PLA2R1: variants seen among roughly 807,000 people sequenced by gnomAD.
The protein encoded by PLA2R1 is secretory phospholipase A2 receptor.
Under a neutral mutation model 195.9 loss-of-function variants are expected in PLA2R1, and 158 were observed. The ratio of observed to expected loss-of-function variants is 0.81; its 90% CI spans 0.71 to 0.92. The LOEUF (loss-of-function observed/expected upper bound fraction) is 0.92, where lower values mean the gene tolerates loss of function less well. Among genes scored for constraint, PLA2R1 ranks in the 40% least tolerant of loss-of-function variants. PLA2R1 has a pLI of 0.00. For synonymous variants in PLA2R1, 586 were observed against 598.2 expected (o/e 0.98, Z 0.30); for missense variants, 1,626 against 1,764.6 (o/e 0.92, Z 1.41).
At chr2:160,013,422 A>T in intron 9 of PLA2R1, 47 bp from the exon 10 acceptor site, 1 of 1,100,664 alleles carries the variant, frequency 9.1e-7, no homozygotes, top group African/African-American at 1.5e-5. Context: ...TCATTTAGTT[A>T]AATACCAAGA....
rs751209324 is a variant in PLA2R1 at position 159,976,691 on chromosome 2, G to T, written c.2431C>A (p.Gln811Lys). 3 of 1,604,738 alleles carry T rather than the reference G, an allele frequency of 1.9e-6. No homozygotes were observed. Among genetic ancestry groups the T allele is most frequent in the Non-Finnish European group, 2.6e-6 (3 of 1,171,594 alleles). ...DVKPKIPFWY[Q>K]YDVPWLFYQD... ...CTGCCAGAGTCATTCTTACCGTACT[G>T]GTACCAGAACGGAATCTTGGGTTTC... Residue 811 changes from glutamine to lysine, a missense_variant, in exon 16 of 30, where the codon CAG (glutamine) becomes AAG (lysine). Physicochemically the swap from Gln to Lys is moderately conservative, Grantham distance 53 (BLOSUM62 1). Coordinates refer to ENST00000283243, the MANE Select transcript of PLA2R1 (RefSeq NM_007366.5).
chr2:160,006,674 AACAT>A (rs1692007618), intron 10 of PLA2R1, among the ~76,000 whole-genome samples: 2 of 152,234 alleles, frequency 1.3e-5, no homozygotes, highest in South Asian at 4.1e-4. Context: ...CTATTTTTAG[AACAT>A]ACAAAGTTAG....
At chr2:159,974,703 A>G (rs1473087560) in intron 17 of PLA2R1, among the ~76,000 whole-genome samples, 1 of 152,062 alleles carries the variant, frequency 6.6e-6, no homozygotes, top group Non-Finnish European at 1.5e-5. Flanking sequence ...GTACAAATTT[A>G]TGATGGGGAA....
At chr2:159,969,781 G>A (rs763041864) in intron 18 of PLA2R1, among the ~76,000 whole-genome samples, 3 of 152,104 alleles carry the variant, frequency 2.0e-5, no homozygotes, top group African/African-American at 7.2e-5. Context: ...GACCTCAGGC[G>A]ATCCGCCCTC....
At position 159,945,723 on chromosome 2, in the gene PLA2R1, A is replaced by T. The variant is rs1178009617; in HGVS notation, c.3968-641T>A. Reference sequence around the variant, plus strand: ...CTTTGGGTATATACCCAGTAATGGGATGGCAGCCCCTGAATTTAATGAGAC... The same window carrying T: ...CTTTGGGTATATACCCAGTAATGGGTTGGCAGCCCCTGAATTTAATGAGAC... On this transcript the variant is annotated intron_variant, in intron 27 of 29. Coordinates refer to ENST00000283243, the MANE Select transcript of PLA2R1 (RefSeq NM_007366.5). The T allele has an allele frequency of 3.3e-6, 3 of 904,874 alleles. No individual in the cohort carries two copies. The African/African-American group carries it at 5.4e-5, about 16-fold the overall frequency. 56.1% of individuals were successfully genotyped at this position (904,874 alleles called of 1,614,324 possible). A position where few individuals can be genotyped will look rare whatever the true frequency, so the allele number is the denominator to read the frequency against.
chr2:159,955,902 G>T, intron 21 of PLA2R1, 74 bp from the exon 22 acceptor site: 1 of 824,888 alleles, frequency 1.2e-6, no homozygotes, highest in Non-Finnish European at 1.9e-6. Flanking sequence ...CCTATTTATA[G>T]CTATGATTAT....
intron 5 of PLA2R1, among the ~76,000 whole-genome samples, chr2:160,028,569 T>C (rs6726340): frequency 0.011 from 1,647 of 152,312 alleles, 31 homozygotes; most frequent in African/African-American, 0.038. Flanking sequence ...ACTTTTATTA[T>C]CTTAAAGTAG....
chr2:159,949,595 GA>G lies in PLA2R1; in HGVS notation c.3709+12del. 2 of 1,602,398 alleles carry G rather than the reference GA, an allele frequency of 1.2e-6. No homozygotes were observed. The highest frequency in any genetic ancestry group is 1.7e-6 in the Non-Finnish European group (2 of 1,169,582). On this transcript the variant is annotated intron_variant, in intron 25 of 29. Transcript: ENST00000283243. ...ATAAGGTATATTTTTGAGTTGAATA[GA>G]ATTGAACCTACCAGGTGGCACATGA...
intron 1 of PLA2R1, among the ~76,000 whole-genome samples, chr2:160,049,052 G>A (rs1249653579): frequency 5.9e-5 from 9 of 151,856 alleles, no homozygotes; most frequent in Non-Finnish European, 1.2e-4. Context: ...CGTTCTAGCC[G>A]GGATGGTCTC....
In PLA2R1 at chr2:159,977,293, T is replaced by C. The variant is rs768775270; in HGVS notation, c.2392A>G (p.Ile798Val). ...CGSKREWICK[I>V]PRDVKPKIPF... ...TTACTACTATTTTTACCTCTTGGGA[T>C]TTTGCATATCCATTCACGTTTGGAA... Residue 798 changes from isoleucine to valine, a missense_variant, in exon 15 of 30, where the codon ATC becomes GTC. By Grantham distance (29) the Ile-to-Val change is conservative. Coordinates refer to ENST00000283243, the MANE Select transcript of PLA2R1 (RefSeq NM_007366.5). 19 of 1,610,854 alleles carry C rather than the reference T, an allele frequency of 1.2e-5. No homozygotes were observed. In the African/African-American group the frequency reaches 2.5e-4, roughly 22 times the overall value.
chr2:160,020,099 A>G lies in PLA2R1; in HGVS notation c.1452+7T>C. ...AAAGTGAGCACTGAACAAATGAATC[A>G]ACTTACAGACTGCTCTGCTGAGACA... On this transcript the variant is annotated splice_region_variant and intron_variant, in intron 8 of 29. Transcript: ENST00000283243. 1 of 1,608,150 alleles carries G rather than the reference A, an allele frequency of 6.2e-7. No individual in the cohort carries two copies. The highest frequency in any genetic ancestry group is 8.5e-7 in the Non-Finnish European group (1 of 1,177,120).
chr2:160,040,927 C>T (rs1043912661), intron 3 of PLA2R1, among the ~76,000 whole-genome samples: 3 of 152,310 alleles, frequency 2.0e-5, no homozygotes, highest in East Asian at 1.9e-4. Context: ...AATGCCTCAT[C>T]TAATTGAATT....
chr2:159,953,646 C>T (rs906406834), intron 23 of PLA2R1, among the ~76,000 whole-genome samples: 11 of 152,166 alleles, frequency 7.2e-5, no homozygotes, highest in African/African-American at 1.4e-4. Flanking sequence ...GTAGGCACTC[C>T]GGTGCCTATG....
intron 6 of PLA2R1, among the ~76,000 whole-genome samples, chr2:160,026,415 T>A (rs1413061762): frequency 6.6e-6 from 1 of 152,216 alleles, no homozygotes; most frequent in African/African-American, 2.4e-5. Flanking sequence ...GATGACTTCC[T>A]TTAAAATGGG....
chr2:160,057,323 T>C (rs1011487746), intron 1 of PLA2R1, among the ~76,000 whole-genome samples: 1 of 152,142 alleles, frequency 6.6e-6, no homozygotes, highest in South Asian at 2.1e-4. Flanking sequence ...CTGGCTGCCC[T>C]GAAGAACCTG....
At chr2:159,985,677 A>G (rs921323696) in intron 12 of PLA2R1, among the ~76,000 whole-genome samples, 1 of 152,196 alleles carries the variant, frequency 6.6e-6, no homozygotes, top group African/African-American at 2.4e-5. Flanking sequence ...ATATTGTATC[A>G]TTCAATAATA....
rs1030009502 is a variant in PLA2R1 at position 160,031,208 on chromosome 2, T to C, written c.841+1751A>G. On this transcript the variant is annotated intron_variant, in intron 4 of 29. Transcript: ENST00000283243. ...CTTTTCCATCCAGTGAACCCACTTCTGCAAACTTATAGAGAAATAATTGGG... is the reference window on the plus strand; with the variant it reads ...CTTTTCCATCCAGTGAACCCACTTCCGCAAACTTATAGAGAAATAATTGGG... Among the ~76,000 whole-genome samples, 8 of 152,352 alleles carry C rather than the reference T, an allele frequency of 5.3e-5. No individual in the cohort carries two copies. In the South Asian group the frequency reaches 1.7e-3, roughly 32 times the overall value.
intron 1 of PLA2R1, among the ~76,000 whole-genome samples, chr2:160,047,383 T>C (rs975042782): frequency 2.8e-4 from 43 of 152,254 alleles, no homozygotes; most frequent in Non-Finnish European, 3.5e-4. Flanking sequence ...TCCTGATTCT[T>C]GGTCTATAGA....
At chr2:160,052,920 A>C (rs1573983326) in intron 1 of PLA2R1, among the ~76,000 whole-genome samples, 1 of 124,022 alleles carries the variant, frequency 8.1e-6, no homozygotes, top group Non-Finnish European at 1.9e-5. Context: ...GAAATGTTAA[A>C]AAACAAACAA....
Sources: allele counts gnomAD v4.1 joint callset (sites outside exome capture counted in the v4.1 genomes callset), GRCh38; gene constraint gnomAD v4.1.1; transcripts MANE v1.5; gene names NCBI Gene and HGNC (gene_info 2026-07-23, HGNC 2026-07-21).